The following GPBP1 variants were observed in gnomAD, a reference collection of about 807,000 sequenced individuals.
The protein encoded by GPBP1 is vasculin.
A neutral mutation model predicts 56.5 loss-of-function variants in GPBP1; 13 were observed. That is an observed-to-expected ratio of 0.23 (90% CI 0.15 to 0.37). GPBP1 has a LOEUF of 0.37. GPBP1 is among the 10% of genes least tolerant of loss of function. The pLI is 1.00. For synonymous variants in GPBP1, 204 were observed against 188.9 expected, an observed-to-expected ratio of 1.08 and a Z score of -0.66; for missense variants, 477 against 572.3, an observed-to-expected ratio of 0.83 and a Z score of 1.70.
chr5:57,230,650 T>G (rs1756410809), intron 3 of GPBP1, 196 bp from the exon 4 acceptor site: 1 of 585,122 alleles, frequency 1.7e-6, no homozygotes, highest in Admixed American at 3.4e-5. Flanking sequence ...TGTGCTTGTT[T>G]CCATTAGATA....
chr5:57,197,712 G>T (rs1408417273), intron 2 of GPBP1, among the ~76,000 whole-genome samples: 1 of 151,582 alleles, frequency 6.6e-6, no homozygotes, highest in Admixed American at 6.6e-5. Context: ...CCAGGCAGGT[G>T]TTGTTTTCTT....
intron 2 of GPBP1, among the ~76,000 whole-genome samples, chr5:57,191,237 C>T (rs542846033): frequency 6.6e-6 from 1 of 152,142 alleles, no homozygotes; most frequent in East Asian, 1.9e-4. Context: ...AGGCGCTTGC[C>T]ATCATGACCA....
chr5:57,175,404 C>G (rs995903055), intron 1 of GPBP1, 44 bp from the exon 2 acceptor site: 1 of 397,988 alleles, frequency 2.5e-6, no homozygotes, highest in South Asian at 1.3e-4. Context: ...TTTTTTAGCT[C>G]AAAATCAAAA....
Position 57,199,819 on chromosome 5 carries a change from C to T in GPBP1, c.-57-14255C>T, listed in dbSNP as rs987965956. Among the ~76,000 whole-genome samples the T allele has an allele frequency of 7.9e-5, 12 of 152,130 alleles. No individual in the cohort carries two copies. The Middle Eastern group carries it at 0.014, about 172-fold the overall frequency. ...ACTGCTGTGTGCTGTTCAAGAACCC[C>T]TACTGTCCCCATACTACTAGAATTT... On this transcript the variant is annotated intron_variant, in intron 2 of 11. Transcript: ENST00000506184.
intron 2 of GPBP1, among the ~76,000 whole-genome samples, chr5:57,203,648 G>A (rs2111709953): frequency 6.6e-6 from 1 of 152,070 alleles, no homozygotes; most frequent in East Asian, 1.9e-4. Context: ...CTGTCTCAAA[G>A]AAAAAAGAAA....
intron 2 of GPBP1, among the ~76,000 whole-genome samples, chr5:57,210,660 G>A (rs975161881): frequency 4.6e-5 from 7 of 152,050 alleles, no homozygotes; most frequent in Non-Finnish European, 7.4e-5. Flanking sequence ...AGTTTACTAG[G>A]GCTGCCATAA....
At chr5:57,192,994 T>G (rs1473774479) in intron 2 of GPBP1, among the ~76,000 whole-genome samples, 1 of 151,766 alleles carries the variant, frequency 6.6e-6, no homozygotes, top group Non-Finnish European at 1.5e-5. Flanking sequence ...CTCCTGGAGA[T>G]GGGATGAGGA....
chr5:57,234,662 G>A (rs965243160), intron 5 of GPBP1, among the ~76,000 whole-genome samples: 3 of 152,240 alleles, frequency 2.0e-5, no homozygotes, highest in Non-Finnish European at 4.4e-5. Flanking sequence ...GCTAAAGTCA[G>A]ATGTGCAGCA....
rs70999065 is a variant in GPBP1, at chr5:57,208,655, CTTTTTTTTT to C, written c.-57-5408_-57-5400del. ...ACAGGGATATCTGTCTTTTGTTTTT[CTTTTTTTTT>C]TTTTTTTTTTGAGACAGAGTCTCAC... On this transcript the variant is annotated intron_variant, in intron 2 of 11. Transcript: ENST00000506184. 2.5e-5 allele frequency among the ~76,000 whole-genome samples: 3 copies of C among 119,072 alleles called. No homozygotes were observed. In the South Asian group the frequency reaches 8.0e-4, roughly 32 times the overall value. The allele number at this position is 119,072 out of a possible 152,430, so 78.1% of individuals were successfully genotyped here. A position where few individuals can be genotyped will look rare whatever the true frequency, so the allele number is the denominator to read the frequency against.
Position 57,222,737 on chromosome 5 carries a change from G to A in GPBP1, c.64-8109G>A, listed in dbSNP as rs532798645. ...TAGCAGTAGAATTGCTGAATCAGAA[G>A]GTTTGTACATTTTGGTAGATAATGC... On this transcript the variant is annotated intron_variant, in intron 3 of 11. Coordinates refer to ENST00000506184, the MANE Select transcript of GPBP1 (RefSeq NM_022913.4). 1.3e-4 allele frequency among the ~76,000 whole-genome samples: 20 copies of A among 152,184 alleles called. No homozygotes were observed. The South Asian group carries it at 4.1e-3, about 32-fold the overall frequency.
chr5:57,180,956 G>A (rs1754017184), intron 2 of GPBP1, among the ~76,000 whole-genome samples: 1 of 152,106 alleles, frequency 6.6e-6, no homozygotes. Context: ...TGGTCAGGCT[G>A]GTCTCCAACT....
intron 2 of GPBP1, among the ~76,000 whole-genome samples, chr5:57,204,828 T>G (rs549411345): frequency 1.3e-5 from 2 of 152,314 alleles, no homozygotes; most frequent in South Asian, 4.1e-4. Context: ...TTTGGGGGAA[T>G]GAGGTACTTA....
chr5:57,182,183 A>G (rs1313317288), intron 2 of GPBP1, among the ~76,000 whole-genome samples: 1 of 152,058 alleles, frequency 6.6e-6, no homozygotes, highest in Non-Finnish European at 1.5e-5. Flanking sequence ...TCCCAGGCTC[A>G]AGTGCTGCTT....
At chr5:57,221,748 C>A (rs1755967880) in intron 3 of GPBP1, among the ~76,000 whole-genome samples, 3 of 152,064 alleles carry the variant, frequency 2.0e-5, no homozygotes, top group Admixed American at 2.0e-4. Flanking sequence ...TATTACTGTA[C>A]CAAAACTTTC....
At chr5:57,190,798 C>T (rs1375825460) in intron 2 of GPBP1, among the ~76,000 whole-genome samples, 4 of 147,730 alleles carry the variant, frequency 2.7e-5, no homozygotes, top group Non-Finnish European at 4.5e-5. Context: ...CCTTGACCTC[C>T]TGGGCTCAAG....
chr5:57,257,027 A>AGTTTTT (rs1383135533), intron 10 of GPBP1, among the ~76,000 whole-genome samples: 4 of 151,426 alleles, frequency 2.6e-5, no homozygotes, highest in Non-Finnish European at 4.4e-5. Context: ...GGGCAGTGAT[A>AGTTTTT]GTTTTTGTTT....
At chr5:57,199,394 G>A (rs1302373848) in intron 2 of GPBP1, among the ~76,000 whole-genome samples, 1 of 152,184 alleles carries the variant, frequency 6.6e-6, no homozygotes, top group Non-Finnish European at 1.5e-5. Flanking sequence ...CTGAGGAGGA[G>A]CAGCCATAGG....
intron 3 of GPBP1, among the ~76,000 whole-genome samples, chr5:57,226,726 ATTCTTTTTTTT>A (rs1316797648): frequency 1.4e-3 from 63 of 46,326 alleles, no homozygotes; most frequent in African/African-American, 4.9e-3. Context: ...TAATTTTTGT[ATTCTTTTTTTT>A]TTTTTTTTTT....
chr5:57,176,885 C>G (rs1482878110), intron 2 of GPBP1, among the ~76,000 whole-genome samples: 1 of 152,162 alleles, frequency 6.6e-6, no homozygotes, highest in African/African-American at 2.4e-5. Flanking sequence ...GGTTATATTA[C>G]AGGTAGTAGT....
Sources: gnomAD v4.1 joint callset for allele counts (sites outside exome capture counted in the v4.1 genomes callset) on GRCh38, gnomAD v4.1.1 for gene constraint, MANE v1.5 for transcripts, NCBI Gene and HGNC (gene_info 2026-07-23, HGNC 2026-07-21) for gene names.